The following MTO1 variants were observed in gnomAD, a reference collection of about 807,000 sequenced individuals.
MTO1 encodes the protein mitochondrial tRNA translation optimization 1.
MTO1 carries 46 observed loss-of-function variants against 71.6 expected under a neutral mutation model. The observed-to-expected ratio is 0.64, with a 90% CI of 0.51 to 0.82. The LOEUF (loss-of-function observed/expected upper bound fraction) is 0.82, where lower values mean the gene tolerates loss of function less well. Among genes scored for constraint, MTO1 ranks in the 40% least tolerant of loss-of-function variants. The pLI, the probability that MTO1 is intolerant of heterozygous loss-of-function variation, is 0.00. For synonymous variants in MTO1, 297 were observed against 312.1 expected (o/e 0.95, Z 0.51); for missense variants, 773 against 867.5 (o/e 0.89, Z 1.37).
At chr6:73,480,342 G>A (rs529796916) in intron 6 of MTO1, 14 of 693,394 alleles carry the variant, frequency 2.0e-5, no homozygotes, top group East Asian at 5.8e-5. Flanking sequence ...GTGCGATCTC[G>A]GCTCACCACA....
At chr6:73,484,908 A>G (rs1200024629) in intron 9 of MTO1, among the ~76,000 whole-genome samples, 3 of 152,044 alleles carry the variant, frequency 2.0e-5, no homozygotes, top group Non-Finnish European at 4.4e-5. Context: ...TTAGCCAGGC[A>G]TGGTGGAGCA....
At chr6:73,487,677 T>C (rs1771694292) in intron 9 of MTO1, 1 of 151,792 alleles carries the variant, frequency 6.6e-6, no homozygotes, top group Non-Finnish European at 1.5e-5. Context: ...ACAGGAGTTT[T>C]GGCTGACCTG....
intron 3 of MTO1, among the ~76,000 whole-genome samples, chr6:73,472,490 C>G (rs965288352): frequency 6.6e-5 from 10 of 152,146 alleles, no homozygotes; most frequent in Admixed American, 6.6e-4. Flanking sequence ...ATTGTATTCT[C>G]TCTCCTAGAT....
intron 3 of MTO1, among the ~76,000 whole-genome samples, chr6:73,469,956 G>A (rs1638672407): frequency 2.6e-5 from 4 of 152,024 alleles, no homozygotes; most frequent in Admixed American, 2.6e-4. Flanking sequence ...GGTAAGCCGT[G>A]ATAGTGCCAC....
intron 3 of MTO1, 131 bp from the exon 4 acceptor site, chr6:73,473,234 G>A: frequency 1.0e-6 from 1 of 975,330 alleles, no homozygotes; most frequent in African/African-American, 1.6e-5. Context: ...AGCGGACATT[G>A]CACCACTGCC....
Position 73,480,767 on chromosome 6 carries a change from A to T in MTO1, c.1222A>T (p.Ile408Phe). Residue 408 changes from isoleucine to phenylalanine, a missense_variant, in exon 7 of 12, where the codon ATC becomes TTC. Coordinates refer to ENST00000498286, the MANE Select transcript of MTO1 (RefSeq NM_012123.4). ...LVQRLFFAGQ[I>F]NGTTGYEEAA... ...TCAACGACTCTTCTTTGCTGGACAG[A>T]TCAATGGCACCACTGGTTATGAGGA... The T allele has an allele frequency of 6.2e-7, 1 of 1,614,026 alleles. No individual in the cohort carries two copies. The highest frequency in any genetic ancestry group is 8.5e-7 in the Non-Finnish European group (1 of 1,179,984).
chr6:73,487,861 G>C (rs190091755), intron 9 of MTO1: 8 of 151,534 alleles, frequency 5.3e-5, no homozygotes, highest in Non-Finnish European at 1.2e-4. Flanking sequence ...CTACATGCTC[G>C]CACCACCACA....
rs185086136 is a variant in MTO1, at chr6:73,490,220, T to G, written c.1638-2014T>G. Reference sequence around the variant, plus strand: ...TGTCAGATGGGTAGATTGTAAAAATTTTCTCCCATTCTGTAGGTTGCCTGT... The same window carrying G: ...TGTCAGATGGGTAGATTGTAAAAATGTTCTCCCATTCTGTAGGTTGCCTGT... On this transcript the variant is annotated intron_variant, in intron 9 of 11. Coordinates refer to ENST00000498286, the MANE Select transcript of MTO1 (RefSeq NM_012123.4). 1.9e-3 allele frequency among the ~76,000 whole-genome samples: 295 copies of G among 152,318 alleles called. 2 individuals carry two copies. Among genetic ancestry groups the G allele is most frequent in the African/African-American group, 6.8e-3 (281 of 41,578 alleles).
chr6:73,475,431 C>T (rs529522793), intron 4 of MTO1, among the ~76,000 whole-genome samples: 18 of 151,742 alleles, frequency 1.2e-4, no homozygotes, highest in Admixed American at 8.5e-4. Context: ...TACAGGTGCC[C>T]GCCGCCATGC....
intron 7 of MTO1, chr6:73,481,055 C>T (rs1212758573): frequency 1.8e-5 from 8 of 443,686 alleles, no homozygotes; most frequent in South Asian, 9.7e-5. Flanking sequence ...CAGCTTCAAG[C>T]GATCCTCCTG....
chr6:73,493,389 T>TGTGTGTGTGTGTG (rs765274183), intron 10 of MTO1, among the ~76,000 whole-genome samples: 2 of 147,530 alleles, frequency 1.4e-5, no homozygotes, highest in South Asian at 2.1e-4. Flanking sequence ...TGTGTGTGTG[T>TGTGTGTGTGTGTG]TTTGGTTTTT....
chr6:73,500,958 A>C lies in MTO1; in HGVS notation c.*223A>C, dbSNP rs1001087740. 6 of 350,930 alleles carry C rather than the reference A, an allele frequency of 1.7e-5. No individual in the cohort carries two copies. Among genetic ancestry groups the C allele is most frequent in the Non-Finnish European group, 2.5e-5 (5 of 198,564 alleles). The allele number at this position is 350,930 out of a possible 1,614,324, so 21.7% of individuals were successfully genotyped here. A position where few individuals can be genotyped will look rare whatever the true frequency, so the allele number is the denominator to read the frequency against. On this transcript the variant is annotated 3_prime_UTR_variant, in exon 12 of 12. Transcript: ENST00000498286. ...CTCTTTCTTTAAGGAGCTGTAATAC[A>C]AATAACTTTGTGCAGTGTTCATCAA...
At chr6:73,483,357 C>T (rs1771565443) in intron 9 of MTO1, among the ~76,000 whole-genome samples, 2 of 151,856 alleles carry the variant, frequency 1.3e-5, no homozygotes, top group African/African-American at 4.8e-5. Flanking sequence ...TGCAGTGAGC[C>T]AAGATCACGC....
chr6:73,503,497 G>T lies in MTO1; in HGVS notation c.*2762G>T, dbSNP rs1047933746. On this transcript the variant is annotated 3_prime_UTR_variant, in exon 12 of 12. Transcript: ENST00000498286. Reference sequence around the variant, plus strand: ...ATATGTCAAAACAGCCTACCCTCTGGTGCTGCTATGCAGAAGTACTACAGA... The same window carrying T: ...ATATGTCAAAACAGCCTACCCTCTGTTGCTGCTATGCAGAAGTACTACAGA... 6.6e-6 allele frequency: 1 copy of T among 152,148 alleles called. No individual in the cohort carries two copies. Among genetic ancestry groups the T allele is most frequent in the African/African-American group, 2.4e-5 (1 of 41,440 alleles). The allele number at this position is 152,148 out of a possible 1,614,324, so 9.4% of individuals were successfully genotyped here.
At chr6:73,473,930 G>A (rs1159409999) in intron 4 of MTO1, among the ~76,000 whole-genome samples, 3 of 151,632 alleles carry the variant, frequency 2.0e-5, no homozygotes, top group Non-Finnish European at 4.4e-5. Flanking sequence ...TGAGACCATA[G>A]GCATGAGCCA....
In MTO1 at chr6:73,492,355, A is replaced by T; in HGVS notation, c.1756+3A>T. ...GGCTGAAAGACTGAAAATAGAAGGT[A>T]GAAAATAATTTTTGACTTAACATAC... On this transcript the variant is annotated splice_donor_region_variant and intron_variant, in intron 10 of 11. Transcript: ENST00000498286. The T allele has an allele frequency of 6.3e-7, 1 of 1,584,178 alleles. No individual in the cohort carries two copies. Among genetic ancestry groups the T allele is most frequent in the Non-Finnish European group, 8.7e-7 (1 of 1,153,216 alleles).
At chr6:73,485,459 G>A (rs1368487472) in intron 9 of MTO1, among the ~76,000 whole-genome samples, 1 of 141,014 alleles carries the variant, frequency 7.1e-6, no homozygotes, top group African/African-American at 2.8e-5. Context: ...TTTTTTTTGA[G>A]ACGGAGTCTC....
rs1772030434 is a variant in MTO1 at position 73,497,792 on chromosome 6, G to A, written c.1813G>A (p.Asp605Asn). 6.2e-7 allele frequency: 1 copy of A among 1,614,030 alleles called. No individual in the cohort carries two copies. Among genetic ancestry groups the A allele is most frequent in the Non-Finnish European group, 8.5e-7 (1 of 1,179,940 alleles). Residue 605 changes from aspartate to asparagine, a missense_variant, in exon 11 of 12, where the codon GAT (aspartate) becomes AAT (asparagine). Physicochemically the swap from Asp to Asn is conservative, Grantham distance 23. Transcript: ENST00000498286. ...QLQEIKGVQQ[D>N]EALQLPKDLD... is the part of the protein sequence containing the mutation. ...ACAAGAAATAAAGGGAGTTCAGCAAGATGAAGCTCTCCAACTGCCAAAAGA... is the reference window on the plus strand; with the variant it reads ...ACAAGAAATAAAGGGAGTTCAGCAAAATGAAGCTCTCCAACTGCCAAAAGA...
chr6:73,500,773 T>G lies in MTO1; in HGVS notation c.*38T>G. ...AAAAGATTTTTAAAGAGCATATAAA[T>G]AATTTGATCAATACAACAGTATAGA... On this transcript the variant is annotated 3_prime_UTR_variant, in exon 12 of 12. Transcript: ENST00000498286. 6.7e-7 allele frequency: 1 copy of G among 1,489,444 alleles called. No individual in the cohort carries two copies. Among genetic ancestry groups the G allele is most frequent in the Non-Finnish European group, 9.1e-7 (1 of 1,103,016 alleles). 92.3% of individuals were successfully genotyped at this position (1,489,444 alleles called of 1,614,324 possible).
Sources: gnomAD v4.1 joint callset for allele counts (sites outside exome capture counted in the v4.1 genomes callset) on GRCh38, gnomAD v4.1.1 for gene constraint, MANE v1.5 for transcripts, NCBI Gene and HGNC (gene_info 2026-07-23, HGNC 2026-07-21) for gene names.